F11: variants seen among roughly 807,000 people sequenced by gnomAD.
F11 encodes coagulation factor XI.
F11 carries 78 observed loss-of-function variants against 76.5 expected under a neutral mutation model. The observed-to-expected ratio is 1.02, with a 90% CI of 0.85 to 1.23. F11 has a LOEUF of 1.23. Among genes scored for constraint, F11 ranks in the 50% most tolerant of loss-of-function variants. The pLI is 0.00. For missense variants in F11, 742 were observed against 771.4 expected (o/e 0.96, Z 0.45); for synonymous variants, 278 against 276.3 (o/e 1.01, Z -0.06).
intron 2 of F11, 146 bp from the exon 3 acceptor site, chr4:186,271,463 A>G: frequency 2.3e-6 from 2 of 854,194 alleles, no homozygotes; most frequent in South Asian, 2.8e-5. Flanking sequence ...ATAAACTCAC[A>G]TAAAAGTGTT....
chr4:186,284,092 A>C lies in F11; in HGVS notation c.1136A>C (p.Glu379Ala), dbSNP rs1740994312. Residue 379 changes from glutamate (E) to alanine (A), a missense_variant and splice_region_variant, in exon 11 of 15, where the codon GAG becomes GCG. Physicochemically the swap from Glu to Ala is moderately radical, Grantham distance 107 (BLOSUM62 -1). Coordinates refer to ENST00000403665, the MANE Select transcript of F11 (RefSeq NM_000128.4). The part of the protein sequence containing the change: ...YTLRLCKMDN[E>A]CTTKIKPRIV... ...GCTCATCACAATGCTTCTGTTGCAGAGTGTACCACCAAAATCAAGCCCAGG... is the reference window on the plus strand; with the variant it reads ...GCTCATCACAATGCTTCTGTTGCAGCGTGTACCACCAAAATCAAGCCCAGG... 10 of 1,614,230 alleles carry C rather than the reference A, an allele frequency of 6.2e-6. No homozygotes were observed. Among genetic ancestry groups the C allele is most frequent in the Non-Finnish European group, 8.5e-6 (10 of 1,180,034 alleles).
At chr4:186,282,664 T>C in intron 10 of F11, 1 of 985,362 alleles carries the variant, frequency 1.0e-6, no homozygotes, top group Non-Finnish European at 1.2e-6. Context: ...CTATTAATTT[T>C]CCTAAAATTT....
At chr4:186,282,200 T>C in intron 10 of F11, 1 of 1,061,360 alleles carries the variant, frequency 9.4e-7, no homozygotes. Flanking sequence ...GACTGCATTT[T>C]CCCCCTTCCT....
chr4:186,278,063 T>C (rs979246348), intron 7 of F11, among the ~76,000 whole-genome samples: 3 of 152,244 alleles, frequency 2.0e-5, no homozygotes, highest in Non-Finnish European at 2.9e-5. Context: ...TCTCCCACAG[T>C]GCAGGGATTA....
At chr4:186,274,094 T>C (rs1018160881) in intron 4 of F11, 22 bp from the exon 5 acceptor site, 1 of 1,614,176 alleles carries the variant, frequency 6.2e-7, no homozygotes. Context: ...AAGGTACTCA[T>C]GTCTTCTGCT....
At chr4:186,271,568 A>G (rs1739955491) in intron 2 of F11, 41 bp from the exon 3 acceptor site, 3 of 1,611,048 alleles carry the variant, frequency 1.9e-6, no homozygotes, top group Non-Finnish European at 1.7e-6. Context: ...ATGTATGCCC[A>G]GTAAAATCCA....
chr4:186,272,665 G>A (rs1049853864), intron 3 of F11, among the ~76,000 whole-genome samples: 3 of 152,228 alleles, frequency 2.0e-5, no homozygotes, highest in African/African-American at 7.2e-5. Context: ...ATAACGCAGA[G>A]TAAATATGTT....
rs769533629 is a variant in F11 at position 186,287,828 on chromosome 4, C to CA, written c.1716+6dup. On this transcript the variant is annotated splice_donor_region_variant and intron_variant, in intron 14 of 14. Transcript: ENST00000403665. The stretch of plus-strand genomic sequence containing the variant: ...GGAGGGAAGGACGCTTGCAAGGTAA[C>CA]AGAGTGTTCTTAGCCAATGGAATAT... 6.2e-7 allele frequency: 1 copy of CA among 1,611,596 alleles called. No homozygotes were observed. Among genetic ancestry groups the CA allele is most frequent in the Non-Finnish European group, 8.5e-7 (1 of 1,178,480 alleles).
chr4:186,278,819 A>G (rs1740571438), intron 7 of F11, among the ~76,000 whole-genome samples: 1 of 152,188 alleles, frequency 6.6e-6, no homozygotes, highest in Middle Eastern at 3.2e-3. Context: ...GATACTTTTT[A>G]AAAATCTAGT....
At chr4:186,279,885 C>T in intron 7 of F11, 127 bp from the exon 8 acceptor site, 1 of 775,354 alleles carries the variant, frequency 1.3e-6, no homozygotes, top group Non-Finnish European at 2.2e-6. Context: ...ATGAAGAGTA[C>T]TTTCAAAATA....
chr4:186,280,217 G>A lies in F11; in HGVS notation c.866-6G>A. The A allele has an allele frequency of 6.2e-7, 1 of 1,614,156 alleles. No homozygotes were observed. The highest frequency in any genetic ancestry group is 8.5e-7 in the Non-Finnish European group (1 of 1,180,032). The stretch of plus-strand genomic sequence containing the variant: ...GTCTCACTCTGACATGTGGTCTGCT[G>A]TCTAGTGTTCTGCCATTCTTCATTT... On this transcript the variant is annotated splice_region_variant and splice_polypyrimidine_tract_variant and intron_variant, in intron 8 of 14. Coordinates refer to ENST00000403665, the MANE Select transcript of F11 (RefSeq NM_000128.4).
chr4:186,274,289 A>C lies in F11; in HGVS notation c.485+14A>C. ...CCTGGAGCATCGGTGAGTGAGTCCCAGGACATTCGAGTGGTCGATGAAAAA... is the reference window on the plus strand; with the variant it reads ...CCTGGAGCATCGGTGAGTGAGTCCCCGGACATTCGAGTGGTCGATGAAAAA... On this transcript the variant is annotated intron_variant, in intron 5 of 14. Transcript: ENST00000403665. 1 of 1,614,236 alleles carries C rather than the reference A, an allele frequency of 6.2e-7. No individual in the cohort carries two copies.
intron 13 of F11, chr4:186,286,771 G>C: frequency 1.1e-6 from 1 of 923,358 alleles, no homozygotes; most frequent in South Asian, 5.0e-5. Flanking sequence ...GCACTTTTCA[G>C]TAAATGTTCT....
chr4:186,286,229 C>T, intron 12 of F11, 186 bp from the exon 13 acceptor site: 2 of 600,170 alleles, frequency 3.3e-6, no homozygotes, highest in Non-Finnish European at 5.9e-6. Context: ...CTCTCTCTCG[C>T]CCTCTCATCC....
chr4:186,280,394 T>C lies in F11; in HGVS notation c.1028+9T>C, dbSNP rs376630194. On this transcript the variant is annotated intron_variant, in intron 9 of 14. Transcript: ENST00000403665. ...TCCTGCAACGAAGGGAAGTAAGCCA[T>C]ATGAAGGGTTATGCAGACACCCTTG... 4.7e-4 allele frequency: 765 copies of C among 1,614,042 alleles called. 1 individual carries two copies. Among genetic ancestry groups the C allele is most frequent in the Non-Finnish European group, 6.0e-4 (712 of 1,180,034 alleles).
chr4:186,281,076 T>C (rs1433024750), intron 10 of F11, among the ~76,000 whole-genome samples: 2 of 152,028 alleles, frequency 1.3e-5, no homozygotes, highest in African/African-American at 4.8e-5. Context: ...AGGCTGGTCT[T>C]GAACTCCTGG....
At chr4:186,285,887 G>A (rs1741177049) in intron 12 of F11, 74 bp downstream of exon 12, 8 of 1,495,194 alleles carry the variant, frequency 5.4e-6, no homozygotes, top group Middle Eastern at 1.7e-4. Flanking sequence ...CTAGACTTAC[G>A]GCCTGACCCT....
rs145906668 is a variant in F11 at position 186,288,514 on chromosome 4, C to T, written c.1778C>T (p.Thr593Met). 3.1e-5 allele frequency: 50 copies of T among 1,614,052 alleles called. No homozygotes were observed. The highest frequency in any genetic ancestry group is 1.6e-4 in the Middle Eastern group (1 of 6,084). The change falls in exon 15 of 15, where the codon ACG (threonine) becomes ATG (methionine). Residue 593 changes from threonine (T) to methionine (M), a missense_variant. By Grantham distance (81) the Thr-to-Met change is moderately conservative. Coordinates refer to ENST00000403665, the MANE Select transcript of F11 (RefSeq NM_000128.4). ...GAGGTCTGGCATCTGGTAGGCATCA[C>T]GAGCTGGGGCGAAGGCTGTGCTCAA... ...HNEVWHLVGI[T>M]SWGEGCAQRE...
rs768894507 is a variant in F11 at position 186,280,383 on chromosome 4, G to T, written c.1026G>T (p.Gly342=). The T allele has an allele frequency of 2.5e-6, 4 of 1,614,104 alleles. No homozygotes were observed. Among genetic ancestry groups the T allele is most frequent in the Admixed American group, 1.7e-5 (1 of 60,002 alleles). Residue 342 remains glycine, a splice_region_variant and synonymous_variant, in exon 9 of 15, where the codon GGG becomes GGT. Coordinates refer to ENST00000403665, the MANE Select transcript of F11 (RefSeq NM_000128.4). ...CAGCCCAAGCATCCTGCAACGAAGG[G>T]AAGTAAGCCATATGAAGGGTTATGC... The part of the protein sequence containing the change: ...YTPAQASCNE[G]KGKCYLKLSS...
Sources: allele counts gnomAD v4.1 joint callset (sites outside exome capture counted in the v4.1 genomes callset), GRCh38; gene constraint gnomAD v4.1.1; transcripts MANE v1.5; gene names NCBI Gene and HGNC (gene_info 2026-07-23, HGNC 2026-07-21).